Variants in ATP2A3 observed in about 807,000 individuals in gnomAD.
The protein encoded by ATP2A3 is ATPase sarcoplasmic/endoplasmic reticulum Ca2+ transporting 3.
Under a neutral mutation model 106.8 loss-of-function variants are expected in ATP2A3, and 61 were observed. The observed-to-expected ratio is 0.57, with a 90% CI of 0.46 to 0.71. The LOEUF is 0.71. Among genes scored for constraint, ATP2A3 ranks in the 30% least tolerant of loss-of-function variants. The pLI, the probability that ATP2A3 is intolerant of heterozygous loss-of-function variation, is 0.00. For missense variants in ATP2A3, 1,201 were observed against 1,423.5 expected, an observed-to-expected ratio of 0.84 and a Z score of 2.52; for synonymous variants, 611 against 609.3, an observed-to-expected ratio of 1.00 and a Z score of -0.04.
chr17:3,930,566 G>C lies in ATP2A3; in HGVS notation c.2611-132C>G. On this transcript the variant is annotated intron_variant, in intron 17 of 20. Transcript: ENST00000397041. This position sits in a 1 kb window ranked among gnomAD's most constrained non-coding sequence, Gnocchi z 5.4. Reference sequence around the variant, plus strand: ...AGCACACAAAACACTGCCGTGGGGTGGGCTGGGGATCCCGGGAGGGGTGCG... The same window carrying C: ...AGCACACAAAACACTGCCGTGGGGTCGGCTGGGGATCCCGGGAGGGGTGCG... 2.2e-6 allele frequency: 3 copies of C among 1,387,184 alleles called. No individual in the cohort carries two copies. The highest frequency in any genetic ancestry group is 3.0e-6 in the Non-Finnish European group (3 of 1,011,050). 85.9% of individuals were successfully genotyped at this position (1,387,184 alleles called of 1,614,324 possible).
At position 3,928,273 on chromosome 17, in the gene ATP2A3, G is replaced by C; in HGVS notation, c.2980+390C>G. The C allele has an allele frequency of 1.9e-6, 3 of 1,613,428 alleles. No individual in the cohort carries two copies. In the South Asian group the frequency reaches 3.3e-5, roughly 18 times the overall value. On this transcript the variant is annotated intron_variant, in intron 20 of 20. Coordinates refer to ENST00000397041, the MANE Select transcript of ATP2A3 (RefSeq NM_005173.4). This position sits in a 1 kb window ranked among gnomAD's most constrained non-coding sequence, Gnocchi z 6.1. ...GTCTGGGGTCCAAGAGGTGGTCAGC[G>C]GCTGCCTACTCCAGGCCTGCGAGAC...
chr17:3,960,742 C>T (rs980837440), intron 1 of ATP2A3, among the ~76,000 whole-genome samples: 3 of 152,198 alleles, frequency 2.0e-5, no homozygotes, highest in African/African-American at 7.2e-5. Context: ...CCTGTGCTGG[C>T]GAGGCAGCAG....
chr17:3,947,528 C>A lies in ATP2A3; in HGVS notation c.958G>T (p.Ala320Ser). 6.2e-7 allele frequency: 1 copy of A among 1,613,338 alleles called. No individual in the cohort carries two copies. ...CGTGCCATGCGCCGCGTGCCCAGTGCCAGGCATGTAGTGATGACAGCCGGG... is the reference window on the plus strand; with the variant it reads ...CGTGCCATGCGCCGCGTGCCCAGTGACAGGCATGTAGTGATGACAGCCGGG... ...GLPAVITTCLALGTRRMARKN... is the reference protein window; with the variant it reads ...GLPAVITTCLSLGTRRMARKN... Residue 320 changes from alanine (A) to serine (S), a missense_variant, in exon 8 of 21, where the codon GCA becomes TCA. Around this residue, in one of 2 missense-constraint regions of ATP2A3, gnomAD observed 935 missense variants for 1,176.7 expected, o/e 0.79. Transcript: ENST00000397041. The surrounding 1 kb of genome is among the most constrained non-coding windows in gnomAD (Gnocchi z 7.7).
In ATP2A3 at chr17:3,950,775, T is replaced by C; in HGVS notation, c.464-2A>G. On this transcript the variant is annotated splice_acceptor_variant, in intron 5 of 20. Transcript: ENST00000397041. LOFTEE classifies it high-confidence loss of function. The stretch of plus-strand genomic sequence containing the variant: ...GGTCAGCAGGCACTTTGTCCCCCAC[T>C]GTGCGGGGAGAATGGCTTGGCTGAG... 3.1e-6 allele frequency: 5 copies of C among 1,612,746 alleles called. No individual in the cohort carries two copies. The highest frequency in any genetic ancestry group is 4.2e-6 in the Non-Finnish European group (5 of 1,179,802).
rs767533340 is a variant in ATP2A3 at position 3,951,328 on chromosome 17, A to G, written c.386T>C (p.Val129Ala). Reference sequence around the variant, plus strand: ...CACGCCCTTGCGGTCCGAGCGGATCACCTTGCCCATCTCAGGCTCATACTC... The same window carrying G: ...CACGCCCTTGCGGTCCGAGCGGATCGCCTTGCCCATCTCAGGCTCATACTC... ...LKEYEPEMGK[V>A]IRSDRKGVQR... The change falls in exon 5 of 21, where the codon GTG becomes GCG. Residue 129 changes from valine to alanine, a missense_variant. Physicochemically the swap from Val to Ala is moderately conservative, Grantham distance 64. Around this residue, in one of 2 missense-constraint regions of ATP2A3, gnomAD observed 266 missense variants for 246.8 expected, o/e 1.08. Coordinates refer to ENST00000397041, the MANE Select transcript of ATP2A3 (RefSeq NM_005173.4). 2 of 1,613,786 alleles carry G rather than the reference A, an allele frequency of 1.2e-6. No homozygotes were observed. Among genetic ancestry groups the G allele is most frequent in the Non-Finnish European group, 1.7e-6 (2 of 1,179,954 alleles).
chr17:3,950,532 G>C lies in ATP2A3; in HGVS notation c.609C>G (p.Asp203Glu), dbSNP rs77891411. 1 of 1,614,142 alleles carries C rather than the reference G, an allele frequency of 6.2e-7. No homozygotes were observed. Among genetic ancestry groups the C allele is most frequent in the South Asian group, 1.1e-5 (1 of 91,078 alleles). ...TTACAGAAAACAGCATGTTCTTCTT[G>C]TCCTGGTTCACAGCTCTGGGGTCTG... ...AIPDPRAVNQ[D>E]KKNMLFSGTN... The change falls in exon 7 of 21, where the codon GAC (aspartate) becomes GAG (glutamate). Residue 203 changes from aspartate (D) to glutamate (E), a missense_variant. Coordinates refer to ENST00000397041, the MANE Select transcript of ATP2A3 (RefSeq NM_005173.4).
chr17:3,944,872 C>T, intron 9 of ATP2A3, 66 bp from the exon 10 acceptor site: 2 of 915,012 alleles, frequency 2.2e-6, no homozygotes, highest in Non-Finnish European at 3.1e-6. Flanking sequence ...CGCCTCTTGG[C>T]CCCGCCCCTA....
chr17:3,928,553 G>T lies in ATP2A3; in HGVS notation c.2980+110C>A, dbSNP rs73328991. On this transcript the variant is annotated intron_variant, in intron 20 of 20. Transcript: ENST00000397041. This position sits in a 1 kb window ranked among gnomAD's most constrained non-coding sequence, Gnocchi z 6.1. The stretch of plus-strand genomic sequence containing the variant: ...CTTGGTGATCCGAGAACGCCTCCCC[G>T]ATGTGCAGACAGAGAGGCTCTGCGC... 9.1e-7 allele frequency: 1 copy of T among 1,101,158 alleles called. No homozygotes were observed. The highest frequency in any genetic ancestry group is 2.0e-5 in the Admixed American group (1 of 50,104). 68.2% of individuals were successfully genotyped at this position (1,101,158 alleles called of 1,614,324 possible).
chr17:3,925,086 G>T lies in ATP2A3; in HGVS notation c.*336C>A, dbSNP rs1292260031. The T allele has an allele frequency of 3.8e-6, 2 of 521,570 alleles. No homozygotes were observed. Among genetic ancestry groups the T allele is most frequent in the Non-Finnish European group, 7.0e-6 (2 of 287,352 alleles). 32.3% of individuals were successfully genotyped at this position (521,570 alleles called of 1,614,324 possible). On this transcript the variant is annotated 3_prime_UTR_variant, in exon 21 of 21. Coordinates refer to ENST00000397041, the MANE Select transcript of ATP2A3 (RefSeq NM_005173.4). The surrounding 1 kb of genome is among the most constrained non-coding windows in gnomAD (Gnocchi z 4.2). ...CTCCAGCTGCACTCGTGATTTGGGG[G>T]TGGGGGGGCCCCGGATCTCTGGGTA...
intron 17 of ATP2A3, among the ~76,000 whole-genome samples, chr17:3,931,139 CAA>C (rs561383105): frequency 3.8e-5 from 5 of 130,770 alleles, no homozygotes; most frequent in Non-Finnish European, 3.3e-5. Context: ...GACTCTGTCT[CAA>C]AAAAAAAAAA....
In ATP2A3 at chr17:3,928,869, T is replaced by A; in HGVS notation, c.2863-89A>T. The stretch of plus-strand genomic sequence containing the variant: ...CTGCTGGCCTTATCCACCTGGGCTC[T>A]GATGGACTCTTCATGAGCGCTCCTA... On this transcript the variant is annotated intron_variant, in intron 19 of 20. Transcript: ENST00000397041. This position sits in a 1 kb window ranked among gnomAD's most constrained non-coding sequence, Gnocchi z 6.1. The A allele has an allele frequency of 9.9e-7, 1 of 1,014,100 alleles. No homozygotes were observed. The highest frequency in any genetic ancestry group is 1.5e-6 in the Non-Finnish European group (1 of 672,104). The allele number at this position is 1,014,100 out of a possible 1,614,324, so 62.8% of individuals were successfully genotyped here.
intron 17 of ATP2A3, among the ~76,000 whole-genome samples, chr17:3,933,512 C>T (rs925854867): frequency 2.0e-5 from 3 of 150,762 alleles, no homozygotes; most frequent in East Asian, 4.0e-4. Context: ...CTGAGGCGGG[C>T]GGATCATGAG....
intron 10 of ATP2A3, among the ~76,000 whole-genome samples, chr17:3,944,375 T>C (rs559778829): frequency 6.6e-6 from 1 of 152,282 alleles, no homozygotes; most frequent in Admixed American, 6.5e-5. Context: ...AGGCTTTAAC[T>C]GAACGTGGGC....
chr17:3,944,998 GC>G, intron 9 of ATP2A3, 61 bp downstream of exon 9: 1 of 1,362,710 alleles, frequency 7.3e-7, no homozygotes, highest in Non-Finnish European at 9.5e-7. Flanking sequence ...CCACCTCGGC[GC>G]CGCCACGCGT....
intron 3 of ATP2A3, among the ~76,000 whole-genome samples, chr17:3,952,847 C>T (rs959746750): frequency 2.6e-5 from 4 of 152,208 alleles, no homozygotes; most frequent in African/African-American, 9.7e-5. Flanking sequence ...TTGCCTTGGC[C>T]TCCCACAGTG....
At chr17:3,950,869 G>T (rs557456822) in intron 5 of ATP2A3, 96 bp from the exon 6 acceptor site, 3 of 1,225,558 alleles carry the variant, frequency 2.4e-6, no homozygotes, top group East Asian at 2.5e-5. Context: ...GGGGCTGGGC[G>T]TCGGGTGCCT....
rs1355188918 is a variant in ATP2A3, at chr17:3,924,511, C to T, written c.*911G>A. 9 of 320,160 alleles carry T rather than the reference C, an allele frequency of 2.8e-5. No homozygotes were observed. Among genetic ancestry groups the T allele is most frequent in the African/African-American group, 6.6e-5 (3 of 45,214 alleles). The allele number at this position is 320,160 out of a possible 1,614,324, so 19.8% of individuals were successfully genotyped here. ...CCAGCTGTGCAGACAGCGCGGCGGC[C>T]GCACACTGGGCTGGGTAGAAGGGCG... is the stretch of plus-strand genomic sequence containing the variant. On this transcript the variant is annotated 3_prime_UTR_variant, in exon 21 of 21. Coordinates refer to ENST00000397041, the MANE Select transcript of ATP2A3 (RefSeq NM_005173.4). This position sits in a 1 kb window ranked among gnomAD's most constrained non-coding sequence, Gnocchi z 6.4.
chr17:3,957,954 C>T lies in ATP2A3; in HGVS notation c.119-4244G>A, dbSNP rs79580380. On this transcript the variant is annotated intron_variant, in intron 1 of 20. Coordinates refer to ENST00000397041, the MANE Select transcript of ATP2A3 (RefSeq NM_005173.4). ...AATCTGAGCCTCCGCCACGGTGACC[C>T]CTGCCTGGCTCATGTTGCCAGACTG... 3.8e-3 allele frequency among the ~76,000 whole-genome samples: 575 copies of T among 152,270 alleles called. 8 individuals carry two copies. The highest frequency in any genetic ancestry group is 0.013 in the African/African-American group (537 of 41,564).
At chr17:3,951,831 C>T (rs989398046) in intron 3 of ATP2A3, 146 bp from the exon 4 acceptor site, 37 of 852,736 alleles carry the variant, frequency 4.3e-5, no homozygotes, top group East Asian at 4.3e-4. Context: ...GCCACTCCTC[C>T]GAGAAGGCCT....
Sources: allele counts gnomAD v4.1 joint callset (sites outside exome capture counted in the v4.1 genomes callset), GRCh38; gene constraint gnomAD v4.1.1; regional missense constraint gnomAD v4.1.1; non-coding constraint Gnocchi (gnomAD v3.1); transcripts MANE v1.5; gene names NCBI Gene and HGNC (gene_info 2026-07-23, HGNC 2026-07-21).